DSCAM: variants seen among roughly 807,000 people sequenced by gnomAD.
DSCAM encodes cell adhesion molecule DSCAM.
In DSCAM, 47 loss-of-function variants were observed where a neutral mutation model predicts 217.7. The observed-to-expected ratio is 0.22, with a 90% CI of 0.17 to 0.28. The LOEUF is 0.28. Among genes scored for constraint, DSCAM ranks in the 10% least tolerant of loss-of-function variants. DSCAM has a pLI of 1.00. For synonymous variants in DSCAM, 1,056 were observed against 1,015.3 expected (o/e 1.04, Z -0.76); for missense variants, 2,080 against 2,618.3 (o/e 0.79, Z 4.49).
At chr21:40,325,522 C>G (rs1395102136) in intron 8 of DSCAM, among the ~76,000 whole-genome samples, 5 of 152,048 alleles carry the variant, frequency 3.3e-5, no homozygotes, top group Non-Finnish European at 7.4e-5. Flanking sequence ...GAAAAGACAG[C>G]CTTGGAAAAG....
intron 27 of DSCAM, among the ~76,000 whole-genome samples, chr21:40,068,544 A>T (rs1291311735): frequency 6.6e-6 from 1 of 152,228 alleles, no homozygotes; most frequent in Admixed American, 6.5e-5. Context: ...CAAACATAAA[A>T]TTATATAGTA....
In DSCAM at chr21:40,052,041, G is replaced by C. The variant is rs371677891; in HGVS notation, c.5102C>G (p.Thr1701Arg). The C allele has an allele frequency of 1.9e-6, 3 of 1,614,160 alleles. No homozygotes were observed. The Admixed American group carries it at 5.0e-5, about 27-fold the overall frequency. ...FGEAAKQKSLTVTHTVHYQSV... is the reference protein window; with the variant it reads ...FGEAAKQKSLRVTHTVHYQSV... ...TTGGTAATGGACCGTGTGAGTGACC[G>C]TCAGGGACTTCTGCTTAGCTGCCTC... Residue 1701 changes from threonine (T) to arginine (R), a missense_variant, in exon 30 of 33, where the codon ACG (threonine) becomes AGG (arginine). By Grantham distance (71) the Thr-to-Arg change is moderately conservative. This residue lies in a region of DSCAM where 1,144 missense variants were observed against 1,421.1 expected (regional missense o/e 0.81). Coordinates refer to ENST00000400454, the MANE Select transcript of DSCAM (RefSeq NM_001389.5).
chr21:40,507,466 C>T (rs1414123398), intron 3 of DSCAM, among the ~76,000 whole-genome samples: 2 of 152,146 alleles, frequency 1.3e-5, no homozygotes, highest in African/African-American at 4.8e-5. Context: ...AAATCACGTA[C>T]TCTAATGTCC....
chr21:40,135,725 A>G (rs1452682643), intron 18 of DSCAM, among the ~76,000 whole-genome samples: 2 of 152,230 alleles, frequency 1.3e-5, no homozygotes, highest in African/African-American at 4.8e-5. Context: ...AGGATATTGC[A>G]TGGAGGTTCA....
intron 14 of DSCAM, among the ~76,000 whole-genome samples, chr21:40,183,426 C>T (rs538989455): frequency 2.0e-4 from 30 of 152,286 alleles, no homozygotes; most frequent in African/African-American, 7.0e-4. Flanking sequence ...TGCCTGTGCC[C>T]GCTCAGATGA....
chr21:40,057,522 G>A (rs998084992), intron 28 of DSCAM, among the ~76,000 whole-genome samples: 5 of 152,146 alleles, frequency 3.3e-5, no homozygotes, highest in Non-Finnish European at 1.5e-5. Flanking sequence ...AGTTCCTTCT[G>A]CTCTTCATGA....
At chr21:40,725,370 C>T (rs1322340873) in intron 1 of DSCAM, among the ~76,000 whole-genome samples, 1 of 152,014 alleles carries the variant, frequency 6.6e-6, no homozygotes, top group African/African-American at 2.4e-5. Context: ...AAAAAACCTG[C>T]GTCCGGGCTC....
At chr21:40,510,842 A>T (rs2076252390) in intron 3 of DSCAM, among the ~76,000 whole-genome samples, 1 of 152,220 alleles carries the variant, frequency 6.6e-6, no homozygotes, top group Non-Finnish European at 1.5e-5. Flanking sequence ...ATAAGACCCT[A>T]CCCAGGGACC....
At chr21:40,365,961 A>G (rs1252525852) in intron 4 of DSCAM, among the ~76,000 whole-genome samples, 1 of 151,754 alleles carries the variant, frequency 6.6e-6, no homozygotes, top group African/African-American at 2.4e-5. Flanking sequence ...TAAAGAAAAA[A>G]CTTGTTTATT....
chr21:40,620,046 GA>G (rs957329111), intron 3 of DSCAM, among the ~76,000 whole-genome samples: 3 of 63,864 alleles, frequency 4.7e-5, no homozygotes, highest in African/African-American at 6.4e-5. Flanking sequence ...GAAAGAGAGA[GA>G]AAAAAGAAAA....
Position 40,022,153 on chromosome 21 carries a change from G to A in DSCAM, c.5687-8767C>T, listed in dbSNP as rs78171215. The stretch of plus-strand genomic sequence containing the variant: ...TTGCTATCTCCCAGGCACCACACTA[G>A]GGGAAAATATCTGAACACTAGATCA... On this transcript the variant is annotated intron_variant, in intron 32 of 32. Transcript: ENST00000400454. Among the ~76,000 whole-genome samples the A allele has an allele frequency of 6.5e-3, 995 of 152,290 alleles. 13 individuals carry two copies. The highest frequency in any genetic ancestry group is 0.023 in the African/African-American group (955 of 41,550).
chr21:40,614,229 A>C (rs1199895875), intron 3 of DSCAM, among the ~76,000 whole-genome samples: 2 of 152,130 alleles, frequency 1.3e-5, no homozygotes, highest in Admixed American at 6.5e-5. Context: ...GCTGTAGACC[A>C]CCCTAAGGGT....
chr21:40,682,644 G>A (rs897670725), intron 3 of DSCAM, among the ~76,000 whole-genome samples: 943 of 46,518 alleles, frequency 0.02, 329 homozygotes, highest in East Asian at 0.047. Context: ...AAAGAAAGAG[G>A]AAGGGAAGGG....
intron 19 of DSCAM, among the ~76,000 whole-genome samples, chr21:40,127,109 C>G (rs913100966): frequency 6.6e-6 from 1 of 152,142 alleles, no homozygotes; most frequent in East Asian, 1.9e-4. Flanking sequence ...AATAACTGTG[C>G]TGGCTTATGT....
At chr21:40,164,009 T>C (rs2837473) in intron 16 of DSCAM, among the ~76,000 whole-genome samples, 40,297 of 152,064 alleles carry the variant, frequency 0.27, 5,431 homozygotes, top group South Asian at 0.29. Flanking sequence ...CTCCTTCACT[T>C]ACCCATTCAT....
At chr21:40,148,148 T>C (rs73225226) in intron 16 of DSCAM, among the ~76,000 whole-genome samples, 6,867 of 152,286 alleles carry the variant, frequency 0.045, 207 homozygotes, top group African/African-American at 0.08. Context: ...ATGAAATATA[T>C]GGAGTAGAGT....
chr21:40,532,894 G>A (rs888525700), intron 3 of DSCAM, among the ~76,000 whole-genome samples: 6 of 151,540 alleles, frequency 4.0e-5, no homozygotes, highest in South Asian at 2.1e-4. Context: ...GTGTGTGTGT[G>A]TGTGTGTGTG....
At chr21:40,240,810 T>A (rs1046453799) in intron 11 of DSCAM, among the ~76,000 whole-genome samples, 2 of 152,190 alleles carry the variant, frequency 1.3e-5, no homozygotes, top group Non-Finnish European at 2.9e-5. Context: ...AACAGGTATT[T>A]GTAGCTTCCC....
At position 40,292,722 on chromosome 21, in the gene DSCAM, T is replaced by C. The variant is rs145901368; in HGVS notation, c.2182+3333A>G. 1.4e-4 allele frequency among the ~76,000 whole-genome samples: 21 copies of C among 152,118 alleles called. No individual in the cohort carries two copies. The East Asian group carries it at 3.1e-3, about 22-fold the overall frequency. ...CAAAGATAAATGTGACAGAAGTCAT[T>C]AGAAGTCATTATGATATCTTTCTTT... On this transcript the variant is annotated intron_variant, in intron 10 of 32. Transcript: ENST00000400454.
Sources: gnomAD v4.1 joint callset for allele counts (sites outside exome capture counted in the v4.1 genomes callset) on GRCh38, gnomAD v4.1.1 for gene constraint, gnomAD v4.1.1 regional missense constraint, MANE v1.5 for transcripts, NCBI Gene and HGNC (gene_info 2026-07-23, HGNC 2026-07-21) for gene names.